PKD1L3: variants seen among roughly 807,000 people sequenced by gnomAD.
The protein encoded by PKD1L3 is polycystin-1-like protein 3.
PKD1L3 carries 239 observed loss-of-function variants against 184.1 expected under a neutral mutation model. The ratio of observed to expected loss-of-function variants is 1.30; its 90% CI spans 1.17 to 1.45. The LOEUF (loss-of-function observed/expected upper bound fraction) is 1.45, where lower values mean the gene tolerates loss of function less well. Ranked by LOEUF, PKD1L3 falls within the 40% of genes most tolerant of loss-of-function variation. The pLI, the probability that PKD1L3 is intolerant of heterozygous loss-of-function variation, is 0.00. For missense variants in PKD1L3, 2,660 were observed against 2,067.2 expected (o/e 1.29, Z -5.56); for synonymous variants, 996 against 778.8 (o/e 1.28, Z -4.64).
At chr16:71,960,140 A>G (rs1159608694) in intron 16 of PKD1L3, among the ~76,000 whole-genome samples, 1 of 151,892 alleles carries the variant, frequency 6.6e-6, no homozygotes, top group African/African-American at 2.4e-5. Flanking sequence ...CAACCAACCA[A>G]CCAACAAACC....
At chr16:71,937,655 T>C (rs1226686909) in intron 24 of PKD1L3, among the ~76,000 whole-genome samples, 1 of 152,186 alleles carries the variant, frequency 6.6e-6, no homozygotes, top group Non-Finnish European at 1.5e-5. Flanking sequence ...GATATGCTGT[T>C]GACCCTACCT....
In PKD1L3 at chr16:71,930,081, C is replaced by T. The variant is rs1567480897; in HGVS notation, c.5029G>A (p.Ala1677Thr). The T allele has an allele frequency of 1.9e-6, 3 of 1,551,358 alleles. No individual in the cohort carries two copies. The highest frequency in any genetic ancestry group is 2.6e-6 in the Non-Finnish European group (3 of 1,146,916). ...INLFVSAILMAFGKERKSLKK... is the reference protein window; with the variant it reads ...INLFVSAILMTFGKERKSLKK... Reference sequence around the variant, plus strand: ...AGCGACTTTCTTTCTTTTCCAAAGGCCATGAGAATGGCCGAAACGAAAAGA... The same window carrying T: ...AGCGACTTTCTTTCTTTTCCAAAGGTCATGAGAATGGCCGAAACGAAAAGA... Residue 1677 changes from alanine to threonine, a missense_variant, in exon 29 of 30, where the codon GCC becomes ACC. Transcript: ENST00000620267.
intron 4 of PKD1L3, among the ~76,000 whole-genome samples, chr16:71,987,588 C>G (rs1217456294): frequency 1.3e-5 from 2 of 151,870 alleles, no homozygotes; most frequent in Admixed American, 6.6e-5. Flanking sequence ...GTTGCCCAGG[C>G]TGGTCTCAAA....
rs1047293676 is a variant in PKD1L3, at chr16:71,945,434, A to T, written c.3719-1264T>A. ...TATTTATTTATTTATTTATATATGT[A>T]TTGGGAGGCCAAGGAGGACTGATCA... On this transcript the variant is annotated intron_variant, in intron 22 of 29. Coordinates refer to ENST00000620267, the MANE Select transcript of PKD1L3 (RefSeq NM_181536.2). Among the ~76,000 whole-genome samples the T allele has an allele frequency of 3.4e-5, 5 of 148,160 alleles. No homozygotes were observed. In the Admixed American group the frequency reaches 3.4e-4, roughly 10 times the overall value.
intron 11 of PKD1L3, among the ~76,000 whole-genome samples, chr16:71,975,624 C>T (rs570048537): frequency 3.9e-5 from 6 of 152,278 alleles, no homozygotes; most frequent in Admixed American, 1.3e-4. Flanking sequence ...AAATCTTCAA[C>T]CATACAAAGA....
chr16:71,995,190 G>A (rs1055466109), intron 2 of PKD1L3, among the ~76,000 whole-genome samples: 2 of 152,130 alleles, frequency 1.3e-5, no homozygotes, highest in African/African-American at 4.8e-5. Flanking sequence ...GAAAAGGCAA[G>A]AGAAGCCCTC....
At chr16:71,956,417 T>C (rs758330282) in intron 16 of PKD1L3, among the ~76,000 whole-genome samples, 4 of 151,844 alleles carry the variant, frequency 2.6e-5, no homozygotes, top group Admixed American at 6.6e-5. Flanking sequence ...TATCTCAAAC[T>C]CCGGACCTCT....
chr16:71,964,380 A>C (rs1413999218), intron 15 of PKD1L3, among the ~76,000 whole-genome samples: 2 of 110,246 alleles, frequency 1.8e-5, no homozygotes, highest in African/African-American at 7.3e-5. Context: ...ACTCTCTTGC[A>C]CAGGCTGGAG....
intron 21 of PKD1L3, among the ~76,000 whole-genome samples, chr16:71,947,983 C>G (rs1450206616): frequency 6.6e-6 from 1 of 150,684 alleles, no homozygotes; most frequent in African/African-American, 2.4e-5. Flanking sequence ...GTGGCGCAAT[C>G]TCGGCTCACT....
chr16:71,949,798 G>C lies in PKD1L3; in HGVS notation c.3603C>G (p.Ile1201Met), dbSNP rs1266877095. The change falls in exon 21 of 30, where the codon ATC becomes ATG. Residue 1201 changes from isoleucine to methionine, a missense_variant. Ile to Met is a conservative substitution (Grantham distance 10, BLOSUM62 1). Coordinates refer to ENST00000620267, the MANE Select transcript of PKD1L3 (RefSeq NM_181536.2). ...IILSVLQNIF[I>M]SQPVKVVFFT... The stretch of plus-strand genomic sequence containing the variant: ...CCTCACATACCTTTACTGGCTGGCT[G>C]ATGAAGATGTTCTGAAGCACTGATA... 6.5e-7 allele frequency: 1 copy of C among 1,550,366 alleles called. No homozygotes were observed. Among genetic ancestry groups the C allele is most frequent in the African/African-American group, 1.4e-5 (1 of 72,988 alleles).
At position 71,967,984 on chromosome 16, in the gene PKD1L3, A is replaced by G. The variant is rs1239588227; in HGVS notation, c.2208T>C (p.Asp736=). The part of the protein sequence containing the change: ...MQKVKVTVLA[D]NDPSAQFHYL... ...AGTGAAATTGAGCGCTGGGGTCATTATCAGCCAGGACAGTGACCTTCACCT... is the reference window on the plus strand; with the variant it reads ...AGTGAAATTGAGCGCTGGGGTCATTGTCAGCCAGGACAGTGACCTTCACCT... Residue 736 remains aspartate (D), a synonymous_variant, in exon 14 of 30, where the codon GAT becomes GAC. Coordinates refer to ENST00000620267, the MANE Select transcript of PKD1L3 (RefSeq NM_181536.2). 1.9e-6 allele frequency: 3 copies of G among 1,551,502 alleles called. No homozygotes were observed. The highest frequency in any genetic ancestry group is 2.6e-6 in the Non-Finnish European group (3 of 1,146,836).
At chr16:71,933,857 G>A (rs889656391) in intron 27 of PKD1L3, 58 bp downstream of exon 27, 22 of 1,518,192 alleles carry the variant, frequency 1.4e-5, no homozygotes, top group South Asian at 1.2e-5. Flanking sequence ...TATGGGAAGC[G>A]ATGCGATTCC....
At position 71,930,137 on chromosome 16, in the gene PKD1L3, C is replaced by T. The variant is rs887481937; in HGVS notation, c.4973G>A (p.Ser1658Asn). Residue 1658 changes from serine to asparagine, a missense_variant, in exon 29 of 30, where the codon AGT becomes AAT. Ser to Asn is a conservative substitution (Grantham distance 46). Transcript: ENST00000620267. ...PVLGTFLILTSVILMVLVVIN... is the reference protein window; with the variant it reads ...PVLGTFLILTNVILMVLVVIN... Reference sequence around the variant, plus strand: ...TACCACAAGTACCATCAAGATGACACTGGTGAGGATCAGAAAGGTGCCCAG... The same window carrying T: ...TACCACAAGTACCATCAAGATGACATTGGTGAGGATCAGAAAGGTGCCCAG... 3.2e-6 allele frequency: 5 copies of T among 1,551,586 alleles called. No homozygotes were observed. The highest frequency in any genetic ancestry group is 4.4e-6 in the Non-Finnish European group (5 of 1,146,892).
intron 5 of PKD1L3, among the ~76,000 whole-genome samples, chr16:71,985,768 C>T (rs1233310167): frequency 1.3e-5 from 2 of 152,106 alleles, no homozygotes; most frequent in South Asian, 2.1e-4. Context: ...GGTCTTGCTA[C>T]GTTGCCCAGT....
At chr16:71,942,428 G>T in intron 24 of PKD1L3, 132 bp downstream of exon 24, 1 of 696,506 alleles carries the variant, frequency 1.4e-6, no homozygotes, top group Non-Finnish European at 2.4e-6. Context: ...GGAGATGTAA[G>T]TCTCCAACAA....
intron 2 of PKD1L3, among the ~76,000 whole-genome samples, chr16:71,996,200 A>G (rs1044360303): frequency 1.3e-5 from 2 of 151,388 alleles, no homozygotes; most frequent in African/African-American, 4.9e-5. Flanking sequence ...AGTCATGTCA[A>G]AATTTTTTTT....
intron 28 of PKD1L3, among the ~76,000 whole-genome samples, chr16:71,932,015 A>T (rs1401970899): frequency 6.6e-6 from 1 of 152,158 alleles, no homozygotes; most frequent in Non-Finnish European, 1.5e-5. Context: ...AGTAACAGGA[A>T]CTACAGGTAC....
chr16:71,985,390 T>C (rs2040317791), intron 5 of PKD1L3, among the ~76,000 whole-genome samples: 1 of 152,122 alleles, frequency 6.6e-6, no homozygotes, highest in Non-Finnish European at 1.5e-5. Context: ...GGAAGCAGGA[T>C]TATTTTCTTC....
chr16:71,931,159 A>G (rs1440080328), intron 28 of PKD1L3: 5 of 152,190 alleles, frequency 3.3e-5, no homozygotes, highest in South Asian at 2.1e-4. Context: ...CCAAAGCAGA[A>G]AAGTTCCTTT....
Sources: allele counts gnomAD v4.1 joint callset (sites outside exome capture counted in the v4.1 genomes callset), GRCh38; gene constraint gnomAD v4.1.1; transcripts MANE v1.5; gene names NCBI Gene and HGNC (gene_info 2026-07-23, HGNC 2026-07-21).